EOGT: variants seen among roughly 807,000 people sequenced by gnomAD.
EOGT encodes EGF domain specific O-linked N-acetylglucosamine transferase.
In EOGT, 55 loss-of-function variants were observed where a neutral mutation model predicts 70.5. The observed-to-expected ratio is 0.78, with a 90% CI of 0.63 to 0.98. The LOEUF (loss-of-function observed/expected upper bound fraction) is 0.98, where lower values mean the gene tolerates loss of function less well. Among genes scored for constraint, EOGT ranks in the 50% least tolerant of loss-of-function variants. The probability of loss-of-function intolerance (pLI) is 0.00; values close to 1 mark genes in which losing one functional copy is unlikely to be tolerated. For synonymous variants in EOGT, 246 were observed against 217.1 expected, an observed-to-expected ratio of 1.13 and a Z score of -1.17; for missense variants, 703 against 641.9, an observed-to-expected ratio of 1.10 and a Z score of -1.03.
intron 13 of EOGT, chr3:68,987,849 T>G (rs2090861398): frequency 5.3e-6 from 2 of 380,368 alleles, no homozygotes; most frequent in Non-Finnish European, 9.4e-6. Context: ...CACATTCTTG[T>G]AATATCCCTT....
intron 8 of EOGT, among the ~76,000 whole-genome samples, 172 bp from the exon 9 acceptor site, chr3:69,001,886 A>G (rs759583200): frequency 6.6e-6 from 1 of 152,118 alleles, no homozygotes; most frequent in Non-Finnish European, 1.5e-5. Context: ...GTTGATATCA[A>G]TTTTAATGTT....
chr3:68,987,340 C>CT, intron 14 of EOGT, 105 bp downstream of exon 14: 3 of 884,954 alleles, frequency 3.4e-6, no homozygotes, highest in Non-Finnish European at 5.3e-6. Context: ...TTTCTCAAAA[C>CT]TAAGTTTTAA....
chr3:68,987,814 AG>A, intron 13 of EOGT: 1 of 436,488 alleles, frequency 2.3e-6, no homozygotes, highest in Non-Finnish European at 4.0e-6. Context: ...TAACCAATGA[AG>A]GGGGAAAGGA....
At chr3:68,987,237 C>G (rs1160934666) in intron 14 of EOGT, among the ~76,000 whole-genome samples, 1 of 152,198 alleles carries the variant, frequency 6.6e-6, no homozygotes, top group Non-Finnish European at 1.5e-5. Flanking sequence ...ATGAAATTTA[C>G]TATAAGGCAA....
At chr3:68,999,879 A>G (rs1405200108) in intron 9 of EOGT, among the ~76,000 whole-genome samples, 1 of 152,188 alleles carries the variant, frequency 6.6e-6, no homozygotes, top group Admixed American at 6.5e-5. Context: ...CCCCCTAATG[A>G]GTCCTGATCT....
chr3:69,000,079 C>T (rs1003726043), intron 9 of EOGT, among the ~76,000 whole-genome samples: 10 of 152,048 alleles, frequency 6.6e-5, no homozygotes, highest in African/African-American at 2.4e-4. Flanking sequence ...TAAAAATTAG[C>T]CAGGCATGGT....
At chr3:68,983,090 C>T (rs1207274937) in intron 14 of EOGT, among the ~76,000 whole-genome samples, 2 of 152,204 alleles carry the variant, frequency 1.3e-5, no homozygotes, top group African/African-American at 4.8e-5. Flanking sequence ...CCTGTGAACA[C>T]ACGACTCTAC....
At chr3:68,990,293 A>G (rs1469691115) in intron 10 of EOGT, among the ~76,000 whole-genome samples, 3 of 151,158 alleles carry the variant, frequency 2.0e-5, no homozygotes, top group African/African-American at 7.3e-5. Flanking sequence ...TGCCACTTCC[A>G]TCTGACAGCT....
In EOGT at chr3:69,004,390, G is replaced by A; in HGVS notation, c.608C>T (p.Pro203Leu). The A allele has an allele frequency of 6.2e-7, 1 of 1,612,974 alleles. No homozygotes were observed. The highest frequency in any genetic ancestry group is 8.5e-7 in the Non-Finnish European group (1 of 1,179,094). Residue 203 changes from proline (P) to leucine (L), a missense_variant, in exon 8 of 18, where the codon CCT (proline) becomes CTT (leucine). Physicochemically the swap from Pro to Leu is moderately conservative, Grantham distance 98. Coordinates refer to ENST00000383701, the MANE Select transcript of EOGT (RefSeq NM_001278689.2). Reference protein sequence around the residue: ...TLTSEGQRKSPLQSWFAELQS... With the variant: ...TLTSEGQRKSLLQSWFAELQS... The stretch of plus-strand genomic sequence containing the variant: ...AAAAATATCTTACCATGACTGCAGA[G>A]GGCTTTTGCGCTGACCTTCAGACGT...
chr3:69,006,958 T>C (rs1055272294), intron 6 of EOGT, among the ~76,000 whole-genome samples: 1 of 152,222 alleles, frequency 6.6e-6, no homozygotes, highest in Non-Finnish European at 1.5e-5. Context: ...ATAACGCTTA[T>C]AAGCATCAAA....
At chr3:68,993,083 C>G (rs1363793503) in intron 10 of EOGT, among the ~76,000 whole-genome samples, 1 of 152,194 alleles carries the variant, frequency 6.6e-6, no homozygotes, top group Non-Finnish European at 1.5e-5. Context: ...TTCTGACATG[C>G]CTTGAAGACA....
intron 9 of EOGT, among the ~76,000 whole-genome samples, chr3:68,998,836 A>C (rs1295096352): frequency 1.2e-4 from 3 of 25,772 alleles, no homozygotes; most frequent in East Asian, 9.4e-4. Flanking sequence ...GACTCTGTCT[A>C]AAAAAAAAAA....
rs1468532553 is a variant in EOGT, at chr3:68,988,315, T to C, written c.1063A>G (p.Ile355Val). ...ATTACCTTAGGTCCTTCTTGTGTGA[T>C]GTTTAGTCTGTGTAGTACATGCTGG... ...FAQHVLHRLN[I>V]TQEGPKDGKI... Residue 355 changes from isoleucine to valine, a missense_variant, in exon 13 of 18, where the codon ATC (isoleucine) becomes GTC (valine). Ile to Val is a conservative substitution (Grantham distance 29). Transcript: ENST00000383701. 2.0e-6 allele frequency: 3 copies of C among 1,535,814 alleles called. No individual in the cohort carries two copies. The highest frequency in any genetic ancestry group is 2.6e-6 in the Non-Finnish European group (3 of 1,146,602).
Position 68,994,196 on chromosome 3 carries a change from T to C in EOGT, c.831+3815A>G, listed in dbSNP as rs6762011. ...TATATAACACATATATGGAAAAGAA[T>C]AGCCAGGTATGGTGGCATGCACATG... On this transcript the variant is annotated intron_variant, in intron 10 of 17. Transcript: ENST00000383701. Among the ~76,000 whole-genome samples the C allele has an allele frequency of 5.4e-3, 820 of 152,232 alleles. 12 individuals are homozygous for C. Among genetic ancestry groups the C allele is most frequent in the African/African-American group, 0.019 (787 of 41,530 alleles).
At chr3:69,008,560 C>T (rs1222687802) in intron 4 of EOGT, 32 bp from the exon 5 acceptor site, 2 of 1,495,888 alleles carry the variant, frequency 1.3e-6, no homozygotes, top group East Asian at 2.3e-5. Flanking sequence ...GATTTCCCTT[C>T]TTCTGACATT....
chr3:68,996,627 C>T (rs933504827), intron 10 of EOGT, among the ~76,000 whole-genome samples: 2 of 152,188 alleles, frequency 1.3e-5, no homozygotes, highest in Admixed American at 1.3e-4. Context: ...GCCAAGGCAT[C>T]GCCTGTACCT....
intron 8 of EOGT, among the ~76,000 whole-genome samples, chr3:69,002,236 C>G (rs901305486): frequency 6.6e-6 from 1 of 152,146 alleles, no homozygotes; most frequent in Non-Finnish European, 1.5e-5. Context: ...TGGCTACAGC[C>G]CTGGCCAACT....
At chr3:68,992,106 C>A (rs1360907315) in intron 10 of EOGT, among the ~76,000 whole-genome samples, 2 of 152,076 alleles carry the variant, frequency 1.3e-5, no homozygotes, top group East Asian at 3.9e-4. Flanking sequence ...TCATTCTGCC[C>A]AGGGCTCTCT....
intron 10 of EOGT, among the ~76,000 whole-genome samples, chr3:68,992,912 A>C (rs1281825431): frequency 6.6e-6 from 1 of 152,232 alleles, no homozygotes; most frequent in African/African-American, 2.4e-5. Flanking sequence ...CCACAGCCTG[A>C]GCTGTACATT....
Sources: gnomAD v4.1 joint callset for allele counts (sites outside exome capture counted in the v4.1 genomes callset) on GRCh38, gnomAD v4.1.1 for gene constraint, MANE v1.5 for transcripts, NCBI Gene and HGNC (gene_info 2026-07-23, HGNC 2026-07-21) for gene names.